The following TAFA1 variants were observed in gnomAD, a reference collection of about 807,000 sequenced individuals.
The protein encoded by TAFA1 is TAFA chemokine like family member 1.
In TAFA1, 4 loss-of-function variants were observed where a neutral mutation model predicts 18.5. The observed-to-expected ratio is 0.22, with a 90% confidence interval of 0.11 to 0.49. The LOEUF is 0.49. TAFA1 is among the 20% of genes least tolerant of loss of function. The pLI, the probability that TAFA1 is intolerant of heterozygous loss-of-function variation, is 0.98. For synonymous variants in TAFA1, 56 were observed against 55.2 expected (o/e 1.01, Z -0.06); for missense variants, 147 against 169.0 (o/e 0.87, Z 0.72).
intron 2 of TAFA1, among the ~76,000 whole-genome samples, chr3:68,414,018 A>T (rs554347753): frequency 6.6e-6 from 1 of 152,080 alleles, no homozygotes; most frequent in African/African-American, 2.4e-5. Context: ...GAGTCATAAC[A>T]AATCGGCTGG....
At chr3:68,400,195 A>G (rs2070460744) in intron 2 of TAFA1, among the ~76,000 whole-genome samples, 1 of 152,108 alleles carries the variant, frequency 6.6e-6, no homozygotes, top group Non-Finnish European at 1.5e-5. Context: ...AGGGGTGGTC[A>G]CTCTACAAAG....
At chr3:68,104,093 A>G (rs961836308) in intron 2 of TAFA1, among the ~76,000 whole-genome samples, 2 of 152,146 alleles carry the variant, frequency 1.3e-5, no homozygotes, top group Non-Finnish European at 2.9e-5. Flanking sequence ...GTGTATAATA[A>G]TTAGTCTTTA....
At chr3:68,215,357 C>T (rs760233732) in intron 2 of TAFA1, among the ~76,000 whole-genome samples, 10 of 151,960 alleles carry the variant, frequency 6.6e-5, no homozygotes, top group South Asian at 6.2e-4. Flanking sequence ...TTAATCTTCA[C>T]GTCCCAATTT....
At chr3:68,296,436 G>T (rs1436108467) in intron 2 of TAFA1, among the ~76,000 whole-genome samples, 2 of 151,922 alleles carry the variant, frequency 1.3e-5, no homozygotes, top group Non-Finnish European at 2.9e-5. Context: ...CATACCCTTG[G>T]AATATGATAC....
rs1001494267 is a variant in TAFA1 at position 68,442,637 on chromosome 3, G to A, written c.259+25217G>A. ...GAAAAAAGAAAGAGGGAGGCAGGGA[G>A]GAAAGGGAGGAGAAGAAATCTATAT... On this transcript the variant is annotated intron_variant, in intron 3 of 4. Transcript: ENST00000478136. Among the ~76,000 whole-genome samples the A allele has an allele frequency of 3.3e-5, 5 of 152,262 alleles. No individual in the cohort carries two copies. In the East Asian group the frequency reaches 9.6e-4, roughly 29 times the overall value.
At chr3:68,427,697 T>C (rs529514499) in intron 3 of TAFA1, among the ~76,000 whole-genome samples, 1 of 151,980 alleles carries the variant, frequency 6.6e-6, no homozygotes, top group African/African-American at 2.4e-5. Context: ...GAATTACCCA[T>C]TGATAAAGTT....
At chr3:68,194,369 T>G (rs887320665) in intron 2 of TAFA1, among the ~76,000 whole-genome samples, 3 of 151,676 alleles carry the variant, frequency 2.0e-5, no homozygotes, top group Admixed American at 1.3e-4. Context: ...CCCACGTAGA[T>G]TTTTCCGGTG....
chr3:68,480,189 G>A (rs1207649004), intron 3 of TAFA1, among the ~76,000 whole-genome samples: 2 of 147,878 alleles, frequency 1.4e-5, no homozygotes, highest in Non-Finnish European at 3.0e-5. Flanking sequence ...TCAGGAAATC[G>A]AGACCATCCT....
chr3:68,531,601 G>T (rs1450483569), intron 3 of TAFA1, among the ~76,000 whole-genome samples: 2 of 152,084 alleles, frequency 1.3e-5, no homozygotes, highest in Admixed American at 6.5e-5. Context: ...CTAGAGGAAG[G>T]TCAGTTAAAC....
chr3:68,189,089 G>C (rs939296633), intron 2 of TAFA1, among the ~76,000 whole-genome samples: 7 of 151,880 alleles, frequency 4.6e-5, no homozygotes, highest in Non-Finnish European at 8.8e-5. Flanking sequence ...AATTTTGGAA[G>C]GTAAAATCAT....
intron 3 of TAFA1, among the ~76,000 whole-genome samples, chr3:68,485,582 A>G (rs527266888): frequency 9.9e-5 from 15 of 152,234 alleles, no homozygotes; most frequent in Non-Finnish European, 1.8e-4. Flanking sequence ...TTCCTTTGAC[A>G]CTCCAATAAA....
chr3:68,111,116 G>A (rs1031792205), intron 2 of TAFA1, among the ~76,000 whole-genome samples: 1 of 152,158 alleles, frequency 6.6e-6, no homozygotes, highest in Non-Finnish European at 1.5e-5. Flanking sequence ...TACCACTACA[G>A]ATCAAATTGT....
chr3:68,511,020 C>T (rs1438557347), intron 3 of TAFA1, among the ~76,000 whole-genome samples: 1 of 152,090 alleles, frequency 6.6e-6, no homozygotes, highest in African/African-American at 2.4e-5. Context: ...GGAGAAAGGT[C>T]AGATATCTAT....
At chr3:68,406,980 T>C (rs1368195492) in intron 2 of TAFA1, among the ~76,000 whole-genome samples, 2 of 152,196 alleles carry the variant, frequency 1.3e-5, no homozygotes, top group African/African-American at 4.8e-5. Flanking sequence ...TTTCTTCTTT[T>C]AAAAATTGAA....
chr3:68,317,627 T>C (rs2068624476), intron 2 of TAFA1, among the ~76,000 whole-genome samples: 1 of 152,176 alleles, frequency 6.6e-6, no homozygotes, highest in Non-Finnish European at 1.5e-5. Context: ...CCTATCATGG[T>C]CCCTGGAATA....
chr3:68,527,051 C>A (rs1264632048), intron 3 of TAFA1, among the ~76,000 whole-genome samples: 1 of 152,014 alleles, frequency 6.6e-6, no homozygotes, highest in Non-Finnish European at 1.5e-5. Flanking sequence ...AGCATGATTC[C>A]TTGTGTTCCT....
chr3:68,538,381 T>C (rs1385124742), intron 3 of TAFA1, among the ~76,000 whole-genome samples: 2 of 152,166 alleles, frequency 1.3e-5, no homozygotes, highest in Non-Finnish European at 2.9e-5. Context: ...TTATTATCCT[T>C]GCTTTAAGTT....
intron 3 of TAFA1, among the ~76,000 whole-genome samples, chr3:68,446,252 A>G (rs542370646): frequency 6.6e-6 from 1 of 152,050 alleles, no homozygotes; most frequent in Non-Finnish European, 1.5e-5. Context: ...TTCCTTATTT[A>G]TGCATTATCT....
chr3:68,332,403 A>T (rs1052315355), intron 2 of TAFA1, among the ~76,000 whole-genome samples: 6 of 152,232 alleles, frequency 3.9e-5, no homozygotes, highest in Admixed American at 3.3e-4. Context: ...AAAAGCAAAA[A>T]TAAATAATTA....
Sources: gnomAD v4.1 joint callset for allele counts (sites outside exome capture counted in the v4.1 genomes callset) on GRCh38, gnomAD v4.1.1 for gene constraint, MANE v1.5 for transcripts, NCBI Gene and HGNC (gene_info 2026-07-23, HGNC 2026-07-21) for gene names.